Variants in AGTPBP1 observed in about 807,000 individuals in gnomAD.
The protein encoded by AGTPBP1 is ATP/GTP binding carboxypeptidase 1, also known as cytosolic carboxypeptidase 1.
AGTPBP1 carries 70 observed loss-of-function variants against 143.9 expected under a neutral mutation model. That is an observed-to-expected ratio of 0.49 (90% CI 0.40 to 0.59). The LOEUF is 0.59. Among genes scored for constraint, AGTPBP1 ranks in the 20% least tolerant of loss-of-function variants. The pLI, the probability that AGTPBP1 is intolerant of heterozygous loss-of-function variation, is 0.00. For synonymous variants in AGTPBP1, 463 were observed against 500.2 expected, an observed-to-expected ratio of 0.93 and a Z score of 0.99; for missense variants, 1,229 against 1,464.5, an observed-to-expected ratio of 0.84 and a Z score of 2.62.
chr9:85,562,175 A>T (rs1311194609), intron 25 of AGTPBP1, among the ~76,000 whole-genome samples: 2 of 152,086 alleles, frequency 1.3e-5, no homozygotes, highest in East Asian at 3.8e-4. Flanking sequence ...TTAAGAGAAT[A>T]AAACCAATAT....
chr9:85,589,406 C>T, intron 20 of AGTPBP1, 122 bp downstream of exon 20: 1 of 1,285,528 alleles, frequency 7.8e-7, no homozygotes, highest in Non-Finnish European at 1.1e-6. Flanking sequence ...ATAGCAGGGC[C>T]AAGACTAGAG....
chr9:85,791,054 T>G, the AGTPBP1 span, among the ~76,000 whole-genome samples: 2 of 152,184 alleles, frequency 1.3e-5, no homozygotes, highest in African/African-American at 4.8e-5. Context: ...AAGGTATAAT[T>G]TTTCAAGTCC....
intron 2 of AGTPBP1, among the ~76,000 whole-genome samples, chr9:85,706,910 A>G (rs972854859): frequency 6.6e-6 from 1 of 152,072 alleles, no homozygotes; most frequent in African/African-American, 2.4e-5. Context: ...AAAATCCTCA[A>G]TTAAAAGACA....
chr9:85,678,308 A>C (rs925762485), intron 5 of AGTPBP1, 27 bp downstream of exon 5: 1 of 1,527,160 alleles, frequency 6.5e-7, no homozygotes, highest in Admixed American at 1.8e-5. Context: ...TAGAAACAGA[A>C]ATTAGACCAA....
chr9:85,788,863 TATAA>T, the AGTPBP1 span, among the ~76,000 whole-genome samples: 153 of 151,466 alleles, frequency 1.0e-3, no homozygotes, highest in African/African-American at 3.6e-3. Context: ...CAGCAATATT[TATAA>T]ATAAATATTT....
At chr9:85,601,528 T>C (rs1829668932) in intron 17 of AGTPBP1, among the ~76,000 whole-genome samples, 1 of 151,996 alleles carries the variant, frequency 6.6e-6, no homozygotes, top group Non-Finnish European at 1.5e-5. Context: ...CACCCACACA[T>C]ACCATCTGTG....
chr9:85,597,144 A>G (rs1476735889), intron 17 of AGTPBP1, among the ~76,000 whole-genome samples: 1 of 152,088 alleles, frequency 6.6e-6, no homozygotes, highest in Non-Finnish European at 1.5e-5. Context: ...TTCCTGGTAC[A>G]GAATAATTTT....
chr9:85,765,176 A>C, the AGTPBP1 span: 16 of 312,066 alleles, frequency 5.1e-5, no homozygotes, highest in African/African-American at 8.5e-5. Context: ...GAAACTATTA[A>C]TTTCCTTGAG....
intron 17 of AGTPBP1, among the ~76,000 whole-genome samples, chr9:85,608,667 A>C (rs761388321): frequency 6.6e-6 from 1 of 152,058 alleles, no homozygotes. Flanking sequence ...TTAAGATATA[A>C]TATAAGATGA....
the AGTPBP1 span, among the ~76,000 whole-genome samples, chr9:85,778,669 G>A: frequency 1.3e-5 from 2 of 152,300 alleles, no homozygotes; most frequent in East Asian, 3.9e-4. Context: ...ACTAGGCATT[G>A]TGCCTCTTTC....
At chr9:85,622,824 A>T (rs1381767295) in intron 14 of AGTPBP1, among the ~76,000 whole-genome samples, 2 of 152,224 alleles carry the variant, frequency 1.3e-5, no homozygotes, top group African/African-American at 2.4e-5. Context: ...AGGATATGGC[A>T]CTTTCACATA....
At position 85,688,647 on chromosome 9, in the gene AGTPBP1, A is replaced by T. The variant is rs533118942; in HGVS notation, c.157+4042T>A. 5.9e-5 allele frequency among the ~76,000 whole-genome samples: 9 copies of T among 152,368 alleles called. No individual in the cohort carries two copies. In the South Asian group the frequency reaches 1.9e-3, roughly 32 times the overall value. On this transcript the variant is annotated intron_variant, in intron 3 of 25. Coordinates refer to ENST00000357081, the MANE Select transcript of AGTPBP1 (RefSeq NM_001330701.2). ...TCAACAAATTAACCATTTGCATGAAAGTGGATAATAGAAATGTTTCTAGGA... is the reference window on the plus strand; with the variant it reads ...TCAACAAATTAACCATTTGCATGAATGTGGATAATAGAAATGTTTCTAGGA...
chr9:85,738,308 TA>T (rs955943117), intron 1 of AGTPBP1, among the ~76,000 whole-genome samples: 7 of 142,864 alleles, frequency 4.9e-5, no homozygotes, highest in Admixed American at 2.1e-4. Context: ...AACAAGTATG[TA>T]AAATCATACT....
At chr9:85,776,229 A>G in the AGTPBP1 span, among the ~76,000 whole-genome samples, 1 of 152,216 alleles carries the variant, frequency 6.6e-6, no homozygotes, top group African/African-American at 2.4e-5. Flanking sequence ...AAATGAAGAT[A>G]TTTTCTTAGT....
intron 1 of AGTPBP1, among the ~76,000 whole-genome samples, chr9:85,736,675 G>C (rs7028631): frequency 0.062 from 9,504 of 152,232 alleles, 366 homozygotes; most frequent in Non-Finnish European, 0.093. Flanking sequence ...CTAAAAGCAC[G>C]GTGCGTGGGC....
the AGTPBP1 span, chr9:85,764,668 G>A: frequency 1.3e-6 from 1 of 765,112 alleles, no homozygotes. Context: ...TAGATTTCTA[G>A]TAACTGTTTT....
chr9:85,562,761 T>C (rs1034540344), intron 25 of AGTPBP1, among the ~76,000 whole-genome samples: 4 of 152,212 alleles, frequency 2.6e-5, no homozygotes, highest in African/African-American at 9.6e-5. Context: ...AAAAACCTGA[T>C]GGTTCACAGT....
At chr9:85,773,521 A>G in the AGTPBP1 span, among the ~76,000 whole-genome samples, 2 of 151,270 alleles carry the variant, frequency 1.3e-5, no homozygotes, top group Non-Finnish European at 2.9e-5. Context: ...ATTTTTTAGT[A>G]GAGACGGGGT....
At chr9:85,800,385 C>T in the AGTPBP1 span, among the ~76,000 whole-genome samples, 1 of 152,328 alleles carries the variant, frequency 6.6e-6, no homozygotes, top group East Asian at 1.9e-4. Flanking sequence ...CATGGATAGG[C>T]TCACTTCTGG....
Sources: allele counts gnomAD v4.1 joint callset (sites outside exome capture counted in the v4.1 genomes callset), GRCh38; gene constraint gnomAD v4.1.1; transcripts MANE v1.5; gene names NCBI Gene and HGNC (gene_info 2026-07-23, HGNC 2026-07-21).